The following SDHD variants were observed in gnomAD, a reference collection of about 807,000 sequenced individuals.
The protein encoded by SDHD is succinate dehydrogenase [ubiquinone] cytochrome b small subunit, mitochondrial.
SDHD carries 6 observed loss-of-function variants against 18.7 expected under a neutral mutation model. The ratio of observed to expected loss-of-function variants is 0.32; its 90% CI spans 0.18 to 0.63. The LOEUF (loss-of-function observed/expected upper bound fraction) is 0.63, where lower values mean the gene tolerates loss of function less well. Ranked by LOEUF, SDHD falls within the 30% of genes least tolerant of loss-of-function variation. SDHD has a pLI of 0.79. For synonymous variants in SDHD, 56 were observed against 73.9 expected, an observed-to-expected ratio of 0.76 and a Z score of 1.24; for missense variants, 160 against 192.7, an observed-to-expected ratio of 0.83 and a Z score of 1.00.
At position 112,095,158 on chromosome 11, in the gene SDHD, G is replaced by A. The variant is rs1316546596; in HGVS notation, c.*188G>A. On this transcript the variant is annotated 3_prime_UTR_variant, in exon 4 of 4. Transcript: ENST00000375549. ...AAGGTTTGAGAGGAATTATATCTAA[G>A]TTGTGAGACTGAGTTCTATATTCTG... 1.6e-6 allele frequency: 1 copy of A among 631,486 alleles called. No individual in the cohort carries two copies. Among genetic ancestry groups the A allele is most frequent in the African/African-American group, 1.8e-5 (1 of 55,076 alleles). 39.1% of individuals were successfully genotyped at this position (631,486 alleles called of 1,614,324 possible).
At position 112,094,793 on chromosome 11, in the gene SDHD, C is replaced by G. The variant is rs1297658027; in HGVS notation, c.315-12C>G. On this transcript the variant is annotated splice_polypyrimidine_tract_variant and intron_variant, in intron 3 of 3. Transcript: ENST00000375549. ...TTTTTTATTGATGTTATGATTTTTT[C>G]TTTTTCTTTAGGGGCCTTGGACAAG... The G allele has an allele frequency of 6.2e-7, 1 of 1,601,432 alleles. No homozygotes were observed.
intron 3 of SDHD, among the ~76,000 whole-genome samples, chr11:112,090,633 G>A (rs918533270): frequency 1.3e-5 from 2 of 152,082 alleles, no homozygotes; most frequent in Non-Finnish European, 2.9e-5. Context: ...TACAGATTTG[G>A]AAACTAAGAC....
At chr11:112,087,279 G>T (rs1403398625) in intron 1 of SDHD, among the ~76,000 whole-genome samples, 2 of 152,200 alleles carry the variant, frequency 1.3e-5, no homozygotes, top group African/African-American at 4.8e-5. Flanking sequence ...CCCACCCTGA[G>T]TCGGGAAAGA....
At chr11:112,092,451 C>G (rs750453745) in intron 3 of SDHD, among the ~76,000 whole-genome samples, 2 of 152,064 alleles carry the variant, frequency 1.3e-5, no homozygotes, top group African/African-American at 2.4e-5. Context: ...CCATAGTGAC[C>G]TTTTTAAAAC....
At chr11:112,094,503 G>A (rs1355837691) in intron 3 of SDHD, among the ~76,000 whole-genome samples, 1 of 152,228 alleles carries the variant, frequency 6.6e-6, no homozygotes, top group African/African-American at 2.4e-5. Flanking sequence ...TGAGGCAGGA[G>A]GATCACTTGA....
intron 3 of SDHD, chr11:112,093,127 C>G: frequency 2.6e-6 from 1 of 383,330 alleles, no homozygotes; most frequent in Non-Finnish European, 5.3e-6. Context: ...CTCGGCTCAG[C>G]ACGATCTCAG....
chr11:112,089,055 T>C (rs1865695269), intron 3 of SDHD, 44 bp downstream of exon 3: 1 of 1,609,330 alleles, frequency 6.2e-7, no homozygotes, highest in African/African-American at 1.3e-5. Context: ...TCAGTTTGTT[T>C]GCTGTGAGCT....
chr11:112,089,184 A>G (rs1007556620), intron 3 of SDHD, 173 bp downstream of exon 3: 21 of 655,624 alleles, frequency 3.2e-5, no homozygotes, highest in Non-Finnish European at 4.9e-5. Flanking sequence ...TGCCTATTCA[A>G]TGTCTTTCAA....
At chr11:112,090,585 A>T (rs542384553) in intron 3 of SDHD, among the ~76,000 whole-genome samples, 35 of 152,248 alleles carry the variant, frequency 2.3e-4, no homozygotes, top group African/African-American at 7.7e-4. Flanking sequence ...TTGAAACTGG[A>T]AGTACTTTGG....
In SDHD at chr11:112,091,928, C is replaced by T. The variant is rs149704481; in HGVS notation, c.315-2877C>T. Among the ~76,000 whole-genome samples, 194 of 152,184 alleles carry T rather than the reference C, an allele frequency of 1.3e-3. 1 individual carries two copies. The highest frequency in any genetic ancestry group is 4.2e-3 in the African/African-American group (176 of 41,532). On this transcript the variant is annotated intron_variant, in intron 3 of 3. Coordinates refer to ENST00000375549, the MANE Select transcript of SDHD (RefSeq NM_003002.4). ...CTAATAATACAAAAATTAAGCTGGG[C>T]GTGGTGGCACACGCCTTTAGTCCCA...
At position 112,094,962 on chromosome 11, in the gene SDHD, A is replaced by AAGCTCTGACCT. The variant is rs878854596; in HGVS notation, c.473_*3dup. ...CTGCAAAGCTGTTGCCATGCTGTGG[A>AAGCTCTGACCT]AGCTCTGACCTTTTTGACTTCATAC... On this transcript the variant is annotated stop_gained and frameshift_variant, in exon 4 of 4. Coordinates refer to ENST00000375549, the MANE Select transcript of SDHD (RefSeq NM_003002.4). LOFTEE classifies it high-confidence loss of function. The AAGCTCTGACCT allele has an allele frequency of 6.2e-7, 1 of 1,611,148 alleles. No homozygotes were observed.
intron 3 of SDHD, among the ~76,000 whole-genome samples, chr11:112,089,552 T>C (rs1425282309): frequency 6.6e-6 from 1 of 152,238 alleles, no homozygotes; most frequent in Non-Finnish European, 1.5e-5. Flanking sequence ...TGAACCACCC[T>C]GTTTCTTCCC....
Position 112,086,893 on chromosome 11 carries a change from G to C in SDHD, c.-15G>C, listed in dbSNP as rs757913227. 6.2e-7 allele frequency: 1 copy of C among 1,614,236 alleles called. No individual in the cohort carries two copies. Among genetic ancestry groups the C allele is most frequent in the Non-Finnish European group, 8.5e-7 (1 of 1,180,050 alleles). On this transcript the variant is annotated 5_prime_UTR_variant, in exon 1 of 4. Transcript: ENST00000375549. ...GTTCCGGGTTGGTGGATGACCTTGA[G>C]CCCTCAGGAACGAGATGGCGGTTCT...
At chr11:112,089,185 T>C (rs1019478466) in intron 3 of SDHD, 174 bp downstream of exon 3, 3 of 656,638 alleles carry the variant, frequency 4.6e-6, no homozygotes, top group Non-Finnish European at 7.7e-6. Context: ...GCCTATTCAA[T>C]GTCTTTCAAT....
chr11:112,091,881 A>G (rs1293164558), intron 3 of SDHD, among the ~76,000 whole-genome samples: 1 of 152,228 alleles, frequency 6.6e-6, no homozygotes, highest in African/African-American at 2.4e-5. Flanking sequence ...AGCCTGGCCA[A>G]TATGGTGAAA....
At chr11:112,091,209 T>C in intron 3 of SDHD, 1 of 474,934 alleles carries the variant, frequency 2.1e-6, no homozygotes, top group Non-Finnish European at 2.7e-6. Context: ...CAACACTGAG[T>C]CTCTTTTAGC....
chr11:112,087,770 A>G, intron 1 of SDHD, 87 bp from the exon 2 acceptor site: 2 of 837,920 alleles, frequency 2.4e-6, no homozygotes, highest in Non-Finnish European at 4.2e-6. Flanking sequence ...ATTTATTGTT[A>G]AGTAGCTTAC....
Position 112,095,001 on chromosome 11 carries a change from T to C in SDHD, c.*31T>C. ...TTGACTTCATACTTTGAAGAATTGA[T>C]GTATGCCTCTTTGCCTCTGCTTTGT... On this transcript the variant is annotated 3_prime_UTR_variant, in exon 4 of 4. Coordinates refer to ENST00000375549, the MANE Select transcript of SDHD (RefSeq NM_003002.4). 6.3e-7 allele frequency: 1 copy of C among 1,597,652 alleles called. No homozygotes were observed. The highest frequency in any genetic ancestry group is 1.1e-5 in the South Asian group (1 of 90,582).
chr11:112,088,508 G>A (rs1265679754), intron 2 of SDHD: 5 of 362,148 alleles, frequency 1.4e-5, no homozygotes, highest in South Asian at 2.2e-5. Context: ...GAGCCACCAC[G>A]CCTGGACCAC....
Sources: allele counts gnomAD v4.1 joint callset (sites outside exome capture counted in the v4.1 genomes callset), GRCh38; gene constraint gnomAD v4.1.1; transcripts MANE v1.5; gene names NCBI Gene and HGNC (gene_info 2026-07-23, HGNC 2026-07-21).